Variants in ZFC3H1 observed in about 807,000 individuals in gnomAD.
ZFC3H1 encodes the protein zinc finger C3H1 domain-containing protein.
Under a neutral mutation model 243.7 loss-of-function variants are expected in ZFC3H1, and 71 were observed. The ratio of observed to expected loss-of-function variants is 0.29; its 90% CI spans 0.24 to 0.36. The LOEUF (loss-of-function observed/expected upper bound fraction) is 0.36, where lower values mean the gene tolerates loss of function less well. Ranked by LOEUF, ZFC3H1 falls within the 10% of genes least tolerant of loss-of-function variation. The pLI is 1.00. For missense variants in ZFC3H1, 1,966 were observed against 2,317.1 expected (o/e 0.85, Z 3.11); for synonymous variants, 838 against 813.0 (o/e 1.03, Z -0.52).
Position 71,663,760 on chromosome 12 carries a change from C to CACCCCA in ZFC3H1, c.-156_-151dup. Reference sequence around the variant, plus strand: ...CGGCCTCTGCTCCCCAACTTCCCCGCACCCCAGCACCCCAGCTCTCTCTCG... The same window carrying CACCCCA: ...CGGCCTCTGCTCCCCAACTTCCCCGCACCCCAACCCCAGCACCCCAGCTCTCTCTCG... On this transcript the variant is annotated 5_prime_UTR_variant, in exon 1 of 35. Coordinates refer to ENST00000378743, the MANE Select transcript of ZFC3H1 (RefSeq NM_144982.5). 1.3e-6 allele frequency: 1 copy of CACCCCA among 798,292 alleles called. No homozygotes were observed. The highest frequency in any genetic ancestry group is 2.0e-6 in the Non-Finnish European group (1 of 510,128). The allele number at this position is 798,292 out of a possible 1,614,324, so 49.5% of individuals were successfully genotyped here. A position where few individuals can be genotyped will look rare whatever the true frequency, so the allele number is the denominator to read the frequency against.
rs78463801 is a variant in ZFC3H1, at chr12:71,655,825, G to C, written c.1015+1060C>G. Among the ~76,000 whole-genome samples, 217 of 152,132 alleles carry C rather than the reference G, an allele frequency of 1.4e-3. 1 individual carries two copies. In the East Asian group the frequency reaches 0.031, roughly 21 times the overall value. Reference sequence around the variant, plus strand: ...AAAAACTGTCAAGGAAAAAGAGGGGGGGGAAATTACAGGCTCTGAACACAT... The same window carrying C: ...AAAAACTGTCAAGGAAAAAGAGGGGCGGGAAATTACAGGCTCTGAACACAT... On this transcript the variant is annotated intron_variant, in intron 2 of 34. Coordinates refer to ENST00000378743, the MANE Select transcript of ZFC3H1 (RefSeq NM_144982.5).
At chr12:71,616,317 C>T (rs922933020) in intron 27 of ZFC3H1, among the ~76,000 whole-genome samples, 5 of 152,018 alleles carry the variant, frequency 3.3e-5, no homozygotes, top group African/African-American at 1.2e-4. Flanking sequence ...ATTTACTAAA[C>T]CTTATATCTG....
intron 1 of ZFC3H1, among the ~76,000 whole-genome samples, chr12:71,662,016 A>T (rs17110121): frequency 0.058 from 8,852 of 152,282 alleles, 359 homozygotes; most frequent in South Asian, 0.087. Flanking sequence ...TTTCATATAT[A>T]ATAACGAAAT....
At chr12:71,661,336 T>C (rs1337112527) in intron 1 of ZFC3H1, among the ~76,000 whole-genome samples, 1 of 151,856 alleles carries the variant, frequency 6.6e-6, no homozygotes, top group Non-Finnish European at 1.5e-5. Flanking sequence ...ACCATACACA[T>C]ATATATGCTT....
intron 3 of ZFC3H1, among the ~76,000 whole-genome samples, chr12:71,645,795 C>T (rs894397061): frequency 4.6e-5 from 7 of 152,090 alleles, no homozygotes; most frequent in Non-Finnish European, 7.4e-5. Context: ...ATTTCACTTT[C>T]GAAATAGTTT....
At position 71,619,449 on chromosome 12, in the gene ZFC3H1, C is replaced by A. The variant is rs762110553; in HGVS notation, c.5050-40G>T. 4.5e-6 allele frequency: 7 copies of A among 1,569,558 alleles called. No homozygotes were observed. In the East Asian group the frequency reaches 6.8e-5, roughly 15 times the overall value. ...GGGAGGGGGATATATATCAGGCTTACAATGTTTAATTAAAATGTCACGAGG... is the reference window on the plus strand; with the variant it reads ...GGGAGGGGGATATATATCAGGCTTAAAATGTTTAATTAAAATGTCACGAGG... On this transcript the variant is annotated intron_variant, in intron 26 of 34. Coordinates refer to ENST00000378743, the MANE Select transcript of ZFC3H1 (RefSeq NM_144982.5).
intron 1 of ZFC3H1, 123 bp downstream of exon 1, chr12:71,662,890 A>C (rs1262884119): frequency 2.0e-6 from 2 of 996,146 alleles, no homozygotes; most frequent in Non-Finnish European, 3.0e-6. Flanking sequence ...CTTAAAGTAT[A>C]CTGACACAGG....
chr12:71,657,609 A>G (rs907720191), intron 1 of ZFC3H1, among the ~76,000 whole-genome samples: 4 of 152,196 alleles, frequency 2.6e-5, no homozygotes, highest in South Asian at 2.1e-4. Context: ...CTGTGCCAGG[A>G]AAGTCCATAA....
At chr12:71,613,733 G>C in intron 30 of ZFC3H1, 1 of 218,396 alleles carries the variant, frequency 4.6e-6, no homozygotes, top group East Asian at 1.0e-4. Context: ...CAAGTCATAG[G>C]GCTAATAATA....
chr12:71,619,758 C>G (rs1162662139), intron 26 of ZFC3H1, among the ~76,000 whole-genome samples, 168 bp downstream of exon 26: 1 of 151,998 alleles, frequency 6.6e-6, no homozygotes, highest in Non-Finnish European at 1.5e-5. Flanking sequence ...ATTAAAGCAG[C>G]TAGGAATAAA....
In ZFC3H1 at chr12:71,623,467, G is replaced by A. The variant is rs368451915; in HGVS notation, c.4637C>T (p.Ser1546Phe). 3 of 1,613,644 alleles carry A rather than the reference G, an allele frequency of 1.9e-6. No homozygotes were observed. In the African/African-American group the frequency reaches 4.0e-5, roughly 22 times the overall value. ...NILPSKFYDP[S>F]NDNPSRIVNT... ...AACAATTCTTGAAGGATTATCATTAGATGGATCATAAAATTTTGAAGGGAG... is the reference window on the plus strand; with the variant it reads ...AACAATTCTTGAAGGATTATCATTAAATGGATCATAAAATTTTGAAGGGAG... Residue 1546 changes from serine to phenylalanine, a missense_variant, in exon 24 of 35, where the codon TCT becomes TTT. Around this residue, in one of 4 missense-constraint regions of ZFC3H1, gnomAD observed 1,383 missense variants for 1,723.7 expected, o/e 0.80. Coordinates refer to ENST00000378743, the MANE Select transcript of ZFC3H1 (RefSeq NM_144982.5).
chr12:71,628,048 G>A, intron 20 of ZFC3H1, 114 bp from the exon 21 acceptor site: 1 of 1,019,612 alleles, frequency 9.8e-7, no homozygotes, highest in Non-Finnish European at 1.4e-6. Context: ...AGATTCTAAT[G>A]ACATGTACTA....
intron 2 of ZFC3H1, among the ~76,000 whole-genome samples, chr12:71,655,738 A>G (rs761974981): frequency 6.6e-6 from 1 of 152,162 alleles, no homozygotes; most frequent in Non-Finnish European, 1.5e-5. Context: ...CCAATCTTAA[A>G]CTATTACAGA....
chr12:71,663,733 A>G lies in ZFC3H1; in HGVS notation c.-123T>C. The G allele has an allele frequency of 8.3e-7, 1 of 1,205,514 alleles. No homozygotes were observed. The highest frequency in any genetic ancestry group is 1.2e-6 in the Non-Finnish European group (1 of 864,936). The allele number at this position is 1,205,514 out of a possible 1,614,324, so 74.7% of individuals were successfully genotyped here. The stretch of plus-strand genomic sequence containing the variant: ...GCGGTCTTACCCTACTCGGACACCA[A>G]GCGGCCTCTGCTCCCCAACTTCCCC... On this transcript the variant is annotated 5_prime_UTR_variant, in exon 1 of 35. Coordinates refer to ENST00000378743, the MANE Select transcript of ZFC3H1 (RefSeq NM_144982.5).
chr12:71,622,081 A>C (rs901718337), intron 24 of ZFC3H1, among the ~76,000 whole-genome samples: 2 of 152,224 alleles, frequency 1.3e-5, no homozygotes, highest in Admixed American at 1.3e-4. Context: ...TCTCAGTCTG[A>C]TAAGACCTAT....
intron 24 of ZFC3H1, among the ~76,000 whole-genome samples, chr12:71,622,870 C>CTA (rs1291372386): frequency 6.6e-6 from 1 of 152,202 alleles, no homozygotes; most frequent in South Asian, 2.1e-4. Context: ...TCTGACTAGG[C>CTA]TATATACTTC....
chr12:71,626,691 AG>A (rs1880175740), intron 21 of ZFC3H1, among the ~76,000 whole-genome samples: 1 of 152,216 alleles, frequency 6.6e-6, no homozygotes, highest in South Asian at 2.1e-4. Context: ...CACAGATAAA[AG>A]TACAGTGTTA....
intron 16 of ZFC3H1, among the ~76,000 whole-genome samples, chr12:71,631,195 C>G (rs1000647884): frequency 6.6e-6 from 1 of 152,010 alleles, no homozygotes; most frequent in Non-Finnish European, 1.5e-5. Context: ...ACCTTGTATT[C>G]TAAAAGTAGT....
At chr12:71,636,336 TAATA>T (rs1442997067) in intron 9 of ZFC3H1, among the ~76,000 whole-genome samples, 150 bp downstream of exon 9, 1 of 152,212 alleles carries the variant, frequency 6.6e-6, no homozygotes, top group Non-Finnish European at 1.5e-5. Context: ...ATTTTATCAT[TAATA>T]AATTAAAAAT....
Sources: allele counts gnomAD v4.1 joint callset (sites outside exome capture counted in the v4.1 genomes callset), GRCh38; gene constraint gnomAD v4.1.1; regional missense constraint gnomAD v4.1.1; transcripts MANE v1.5; gene names NCBI Gene and HGNC (gene_info 2026-07-23, HGNC 2026-07-21).